The following MYCBP2 variants were observed in gnomAD, a reference collection of about 807,000 sequenced individuals.
MYCBP2 encodes the protein MYC binding protein 2, also known as E3 ubiquitin-protein ligase MYCBP2.
In MYCBP2, 120 loss-of-function variants were observed where a neutral mutation model predicts 525.3. That is an observed-to-expected ratio of 0.23 (90% CI 0.20 to 0.27). The LOEUF (loss-of-function observed/expected upper bound fraction) is 0.27, where lower values mean the gene tolerates loss of function less well. MYCBP2 is among the 10% of genes least tolerant of loss of function. The pLI is 1.00. For missense variants in MYCBP2, 4,149 were observed against 5,657.1 expected, an observed-to-expected ratio of 0.73 and a Z score of 8.55; for synonymous variants, 1,894 against 1,955.8, an observed-to-expected ratio of 0.97 and a Z score of 0.83.
chr13:77,195,048 T>C (rs2061626527), intron 26 of MYCBP2, among the ~76,000 whole-genome samples: 2 of 152,070 alleles, frequency 1.3e-5, no homozygotes, highest in South Asian at 2.1e-4. Context: ...GAAAACCTTT[T>C]TCCTCTGGAT....
At chr13:77,078,795 G>T in intron 66 of MYCBP2, 29 bp downstream of exon 66, 1 of 1,599,324 alleles carries the variant, frequency 6.3e-7, no homozygotes, top group Non-Finnish European at 8.6e-7. Flanking sequence ...TCTAGGTAGC[G>T]AAACATTTAA....
chr13:77,245,995 C>A lies in MYCBP2; in HGVS notation c.2382-2044G>T, dbSNP rs141746740. On this transcript the variant is annotated intron_variant, in intron 15 of 82. Coordinates refer to ENST00000544440, the MANE Select transcript of MYCBP2 (RefSeq NM_015057.5). Reference sequence around the variant, plus strand: ...TTTTTCTCCTTCAGCCCTTTCATATCGATTGTGAACCATATGGGGTATATG... The same window carrying A: ...TTTTTCTCCTTCAGCCCTTTCATATAGATTGTGAACCATATGGGGTATATG... Among the ~76,000 whole-genome samples the A allele has an allele frequency of 8.5e-5, 13 of 152,110 alleles. No individual in the cohort carries two copies. In the East Asian group the frequency reaches 1.2e-3, roughly 14 times the overall value.
At chr13:77,297,147 T>A (rs1567191479) in intron 1 of MYCBP2, among the ~76,000 whole-genome samples, 3 of 152,232 alleles carry the variant, frequency 2.0e-5, no homozygotes, top group Admixed American at 2.0e-4. Flanking sequence ...GTCTGGATAC[T>A]TCATTATCAC....
intron 54 of MYCBP2, 115 bp downstream of exon 54, chr13:77,125,221 C>T (rs1012402070): frequency 2.3e-6 from 3 of 1,320,772 alleles, no homozygotes; most frequent in Non-Finnish European, 3.1e-6. Flanking sequence ...TTTAGTTTTG[C>T]TTGTTAAAAA....
At chr13:77,068,274 T>C (rs1298184823) in intron 70 of MYCBP2, among the ~76,000 whole-genome samples, 1 of 152,160 alleles carries the variant, frequency 6.6e-6, no homozygotes, top group East Asian at 1.9e-4. Flanking sequence ...AAAATACCTT[T>C]TCTTTCTGGT....
chr13:77,319,781 T>C (rs1347048508), intron 1 of MYCBP2, among the ~76,000 whole-genome samples: 1 of 152,188 alleles, frequency 6.6e-6, no homozygotes, highest in Non-Finnish European at 1.5e-5. Context: ...TAGTGCTCCA[T>C]CTAGCACCAG....
chr13:77,132,340 A>C (rs2053026869), intron 52 of MYCBP2, among the ~76,000 whole-genome samples: 1 of 152,170 alleles, frequency 6.6e-6, no homozygotes, highest in Non-Finnish European at 1.5e-5. Context: ...AAAAGGAATG[A>C]AATTGGATTT....
chr13:77,086,531 G>A (rs1009140065), intron 62 of MYCBP2, among the ~76,000 whole-genome samples: 1 of 152,030 alleles, frequency 6.6e-6, no homozygotes, highest in Non-Finnish European at 1.5e-5. Context: ...CTTAAACACT[G>A]TCTCTCTTCC....
chr13:77,233,860 C>CAGAG lies in MYCBP2; in HGVS notation c.2630-601_2630-598dup, dbSNP rs553354552. 5.9e-3 allele frequency among the ~76,000 whole-genome samples: 877 copies of CAGAG among 147,636 alleles called. 2 individuals carry two copies. The highest frequency in any genetic ancestry group is 0.011 in the Non-Finnish European group (721 of 66,590). On this transcript the variant is annotated intron_variant, in intron 17 of 82. Coordinates refer to ENST00000544440, the MANE Select transcript of MYCBP2 (RefSeq NM_015057.5). Reference sequence around the variant, plus strand: ...CTGCATATAGATATATGTATACACACAGAGAGAGAGAGAGAACGAGAGAGA... The same window carrying CAGAG: ...CTGCATATAGATATATGTATACACACAGAGAGAGAGAGAGAGAGAACGAGAGAGA...
chr13:77,113,624 A>G (rs924629453), intron 55 of MYCBP2, among the ~76,000 whole-genome samples: 6 of 152,130 alleles, frequency 3.9e-5, no homozygotes, highest in Admixed American at 1.3e-4. Context: ...ATGCACTGGG[A>G]CAAAATGTCT....
intron 4 of MYCBP2, among the ~76,000 whole-genome samples, chr13:77,275,602 T>C (rs1040601316): frequency 7.2e-5 from 11 of 152,052 alleles, no homozygotes; most frequent in African/African-American, 2.7e-4. Flanking sequence ...GGCAGGAGGA[T>C]CACTTGAGTC....
At chr13:77,289,267 T>A (rs2077218139) in intron 2 of MYCBP2, among the ~76,000 whole-genome samples, 1 of 152,088 alleles carries the variant, frequency 6.6e-6, no homozygotes, top group South Asian at 2.1e-4. Flanking sequence ...ATATAACTTA[T>A]GAATATATGT....
At chr13:77,096,765 A>T (rs1474737458) in intron 56 of MYCBP2, among the ~76,000 whole-genome samples, 2 of 152,172 alleles carry the variant, frequency 1.3e-5, no homozygotes, top group South Asian at 4.1e-4. Flanking sequence ...AATTATGTCA[A>T]TAAAATTAGA....
chr13:77,276,816 G>GTTTTTTTT (rs397851660), intron 4 of MYCBP2, among the ~76,000 whole-genome samples: 4 of 76,230 alleles, frequency 5.2e-5, no homozygotes, highest in African/African-American at 1.1e-4. Flanking sequence ...TCCATGCCCA[G>GTTTTTTTT]TTTTTTTTTT....
At chr13:77,146,843 T>C (rs1813078527) in intron 47 of MYCBP2, among the ~76,000 whole-genome samples, 1 of 152,174 alleles carries the variant, frequency 6.6e-6, no homozygotes, top group Admixed American at 6.6e-5. Flanking sequence ...TTGGCAATAC[T>C]TAATGTAGTT....
rs370705989 is a variant in MYCBP2 at position 77,094,171 on chromosome 13, G to A, written c.10200-839C>T. On this transcript the variant is annotated intron_variant, in intron 58 of 82. Coordinates refer to ENST00000544440, the MANE Select transcript of MYCBP2 (RefSeq NM_015057.5). ...ACCATACAACTCTGCTACACAAAGA[G>A]GACAATTTCCAAAATGGAACTGTTG... 1.4e-4 allele frequency among the ~76,000 whole-genome samples: 21 copies of A among 152,230 alleles called. 1 individual carries two copies. In the South Asian group the frequency reaches 4.1e-3, roughly 30 times the overall value.
chr13:77,308,060 TA>T (rs2079690170), intron 1 of MYCBP2, among the ~76,000 whole-genome samples: 1 of 152,172 alleles, frequency 6.6e-6, no homozygotes, highest in East Asian at 1.9e-4. Context: ...TAAACAATAA[TA>T]GCTATTGGAG....
At chr13:77,229,320 G>A (rs1287196232) in intron 18 of MYCBP2, among the ~76,000 whole-genome samples, 2 of 152,062 alleles carry the variant, frequency 1.3e-5, no homozygotes, top group African/African-American at 4.8e-5. Context: ...GATAATATAG[G>A]TATTCTTTGT....
chr13:77,169,755 G>A (rs989923578), intron 38 of MYCBP2, 41 bp from the exon 39 acceptor site: 2 of 1,514,774 alleles, frequency 1.3e-6, no homozygotes, highest in Non-Finnish European at 1.8e-6. Flanking sequence ...ATAGTCAGAA[G>A]GTAATTTCAT....
Sources: allele counts gnomAD v4.1 joint callset (sites outside exome capture counted in the v4.1 genomes callset), GRCh38; gene constraint gnomAD v4.1.1; transcripts MANE v1.5; gene names NCBI Gene and HGNC (gene_info 2026-07-23, HGNC 2026-07-21).